The following MYT1 variants were observed in gnomAD, a reference collection of about 807,000 sequenced individuals.
MYT1 encodes myelin transcription factor I.
MYT1 carries 23 observed loss-of-function variants against 123.0 expected under a neutral mutation model. The observed-to-expected ratio is 0.19, with a 90% CI of 0.13 to 0.26. MYT1 has a LOEUF of 0.26. MYT1 is among the 10% of genes least tolerant of loss of function. MYT1 has a pLI of 1.00. For synonymous variants in MYT1, 518 were observed against 575.3 expected, an observed-to-expected ratio of 0.90 and a Z score of 1.43; for missense variants, 1,125 against 1,472.5, an observed-to-expected ratio of 0.76 and a Z score of 3.86.
rs555819264 is a variant in MYT1, at chr20:64,176,517, G to A, written c.-99+11778G>A. Among the ~76,000 whole-genome samples, 384 of 151,592 alleles carry A rather than the reference G, an allele frequency of 2.5e-3. 1 individual carries two copies. Among genetic ancestry groups the A allele is most frequent in the Non-Finnish European group, 4.7e-3 (318 of 67,952 alleles). ...CTAGCATCTTTCCTGCTCCCTGGTA[G>A]CCTCTTGGGAGCCACCTATTTCTGG... On this transcript the variant is annotated intron_variant, in intron 1 of 22. Coordinates refer to ENST00000328439, the MANE Select transcript of MYT1 (RefSeq NM_004535.3).
Position 64,228,192 on chromosome 20 carries a change from T to C in MYT1, c.2675+221T>C, listed in dbSNP as rs545224926. The stretch of plus-strand genomic sequence containing the variant: ...AGCCCTGGATGTCGCGTGGAGGGCA[T>C]GGGTGCCAGATTTTCTGGGCTTTTC... On this transcript the variant is annotated intron_variant, in intron 18 of 22. Transcript: ENST00000328439. The C allele has an allele frequency of 1.2e-5, 7 of 561,544 alleles. No individual in the cohort carries two copies. In the Admixed American group the frequency reaches 2.4e-4, roughly 19 times the overall value. The allele number at this position is 561,544 out of a possible 1,614,324, so 34.8% of individuals were successfully genotyped here. A position where few individuals can be genotyped will look rare whatever the true frequency, so the allele number is the denominator to read the frequency against.
rs1984308319 is a variant in MYT1, at chr20:64,231,096, C to T, written c.2676-1068C>T. Among the ~76,000 whole-genome samples the T allele has an allele frequency of 6.6e-6, 1 of 151,776 alleles. No homozygotes were observed. The highest frequency in any genetic ancestry group is 1.5e-5 in the Non-Finnish European group (1 of 67,910). ...GCTTCCTGCGCTGACAGTGACTTCC[C>T]TGTATGCCCATGAATCTCCTCGTAA... On this transcript the variant is annotated intron_variant, in intron 18 of 22. Coordinates refer to ENST00000328439, the MANE Select transcript of MYT1 (RefSeq NM_004535.3). The surrounding 1 kb of genome is among the most constrained non-coding windows in gnomAD (Gnocchi z 6.4).
At chr20:64,181,466 T>C (rs1183323373) in intron 1 of MYT1, among the ~76,000 whole-genome samples, 1 of 152,170 alleles carries the variant, frequency 6.6e-6, no homozygotes, top group East Asian at 1.9e-4. Context: ...CTGTTGAATT[T>C]TTCATTTTGG....
intron 13 of MYT1, among the ~76,000 whole-genome samples, chr20:64,220,358 T>C (rs927914202): frequency 1.3e-5 from 2 of 152,152 alleles, no homozygotes; most frequent in Non-Finnish European, 2.9e-5. Context: ...GTTTTGAGCC[T>C]CCCACCACCC....
At position 64,213,287 on chromosome 20, in the gene MYT1, G is replaced by T. The variant is rs1427895653; in HGVS notation, c.1518-247G>T. On this transcript the variant is annotated intron_variant, in intron 9 of 22. Transcript: ENST00000328439. This position sits in a 1 kb window ranked among gnomAD's most constrained non-coding sequence, Gnocchi z 5.6. ...TATATTTCATCTTTGTGTGTCCTTG[G>T]CATAGAATGTTCCAAAACAGAAACT... Among the ~76,000 whole-genome samples the T allele has an allele frequency of 6.6e-6, 1 of 152,182 alleles. No individual in the cohort carries two copies. The highest frequency in any genetic ancestry group is 1.5e-5 in the Non-Finnish European group (1 of 68,032).
At chr20:64,172,741 CTTTTTTTT>C (rs33943131) in intron 1 of MYT1, among the ~76,000 whole-genome samples, 1 of 95,548 alleles carries the variant, frequency 1.0e-5, no homozygotes, top group African/African-American at 4.2e-5. Flanking sequence ...GCCATACCCT[CTTTTTTTT>C]TTTTTTTTTT....
rs768391884 is a variant in MYT1, at chr20:64,219,728, G to T, written c.1987G>T (p.Val663Leu). 1 of 1,612,124 alleles carries T rather than the reference G, an allele frequency of 6.2e-7. No homozygotes were observed. Among genetic ancestry groups the T allele is most frequent in the Non-Finnish European group, 8.5e-7 (1 of 1,178,542 alleles). The change falls in exon 13 of 23, where the codon GTA becomes TTA. Residue 663 changes from valine (V) to leucine (L), a missense_variant. By Grantham distance (32) the Val-to-Leu change is conservative (BLOSUM62 1). Around this residue, in one of 4 missense-constraint regions of MYT1, gnomAD observed 429 missense variants for 604.1 expected, o/e 0.71. Transcript: ENST00000328439. ...GCCATTGCAGTCTGTGGATATCGAG[G>T]TAGACGAAAATGGAACCCTGGACTT... ...DLPSKSVDIE[V>L]DENGTLDLSM...
At chr20:64,225,881 G>T (rs1468789776) in intron 16 of MYT1, among the ~76,000 whole-genome samples, 1 of 152,184 alleles carries the variant, frequency 6.6e-6, no homozygotes, top group African/African-American at 2.4e-5. Context: ...GGTACTGCCG[G>T]CCCCTTGGGA....
At chr20:64,200,956 T>C (rs1482457297) in intron 4 of MYT1, among the ~76,000 whole-genome samples, 3 of 152,154 alleles carry the variant, frequency 2.0e-5, no homozygotes, top group Non-Finnish European at 4.4e-5. Context: ...AGGGAGACAT[T>C]GCCTGCTTGG....
intron 4 of MYT1, 137 bp downstream of exon 4, chr20:64,200,059 C>T (rs1377736088): frequency 9.9e-7 from 1 of 1,008,928 alleles, no homozygotes; most frequent in African/African-American, 1.6e-5. Flanking sequence ...AAGGAGACTG[C>T]CTTTCTCCTG....
rs919550702 is a variant in MYT1 at position 64,208,868 on chromosome 20, G to A, written c.1291+381G>A. Reference sequence around the variant, plus strand: ...CAGGGATTGTGCTATGACAGAACCCGCTGTTTCCTACAGCCATGCTGGGTC... The same window carrying A: ...CAGGGATTGTGCTATGACAGAACCCACTGTTTCCTACAGCCATGCTGGGTC... On this transcript the variant is annotated intron_variant, in intron 7 of 22. Transcript: ENST00000328439. This position sits in a 1 kb window ranked among gnomAD's most constrained non-coding sequence, Gnocchi z 5.4. Among the ~76,000 whole-genome samples, 3 of 152,186 alleles carry A rather than the reference G, an allele frequency of 2.0e-5. No individual in the cohort carries two copies. Among genetic ancestry groups the A allele is most frequent in the Admixed American group, 6.5e-5 (1 of 15,286 alleles).
chr20:64,179,619 T>C (rs1011191954), intron 1 of MYT1, among the ~76,000 whole-genome samples: 8 of 152,144 alleles, frequency 5.3e-5, no homozygotes, highest in African/African-American at 1.9e-4. Flanking sequence ...GATTGACCAG[T>C]GGAAGCCCAG....
chr20:64,184,009 G>A (rs1175371833), intron 1 of MYT1, among the ~76,000 whole-genome samples: 3 of 151,942 alleles, frequency 2.0e-5, no homozygotes, highest in East Asian at 1.9e-4. Flanking sequence ...CAGTAGAGAC[G>A]GGGCTTCACC....
At chr20:64,195,559 C>A (rs1488741929) in intron 2 of MYT1, among the ~76,000 whole-genome samples, 1 of 151,978 alleles carries the variant, frequency 6.6e-6, no homozygotes, top group African/African-American at 2.4e-5. Flanking sequence ...CCACACCCAA[C>A]TAATTTTTGT....
intron 4 of MYT1, among the ~76,000 whole-genome samples, chr20:64,201,964 C>T (rs148983428): frequency 0.1 from 12,972 of 126,698 alleles, 1,050 homozygotes; most frequent in South Asian, 0.17. Context: ...GTCGGGAACC[C>T]CCGCGTGTCG....
Position 64,239,879 on chromosome 20 carries a change from C to T in MYT1, c.3213C>T (p.Leu1071=), listed in dbSNP as rs3003149. ...SGLSQALIQS[L]ANIRLPHMEP... is the part of the protein sequence containing the mutation. ...TGAGCCAGGCCCTCATCCAAAGTCT[C>T]GCCAATATCCGCCTTCCGCACATGG... The change falls in exon 22 of 23, where the codon CTC becomes CTT. Residue 1071 remains leucine (L), a synonymous_variant. Transcript: ENST00000328439. The T allele has an allele frequency of 0.12, 194,368 of 1,613,216 alleles. 14,264 individuals carry two copies. The highest frequency in any genetic ancestry group is 0.32 in the African/African-American group (23,861 of 74,988).
chr20:64,167,316 A>C lies in MYT1; in HGVS notation c.-99+2577A>C, dbSNP rs1244814842. Among the ~76,000 whole-genome samples the C allele has an allele frequency of 1.3e-5, 2 of 152,160 alleles. No individual in the cohort carries two copies. Among genetic ancestry groups the C allele is most frequent in the African/African-American group, 4.8e-5 (2 of 41,430 alleles). On this transcript the variant is annotated intron_variant, in intron 1 of 22. Coordinates refer to ENST00000328439, the MANE Select transcript of MYT1 (RefSeq NM_004535.3). This position sits in a 1 kb window ranked among gnomAD's most constrained non-coding sequence, Gnocchi z 6.3. ...AGCTCTTCCTGGACGGACTCAGTGC[A>C]AAAGGTGCGTCTACTTTGGAAAAGA...
intron 18 of MYT1, among the ~76,000 whole-genome samples, chr20:64,230,735 T>C (rs940437412): frequency 1.3e-5 from 2 of 152,220 alleles, no homozygotes; most frequent in African/African-American, 4.8e-5. Flanking sequence ...GCAGTGTCTC[T>C]GCTCTGGACG....
chr20:64,202,960 G>A lies in MYT1; in HGVS notation c.87-2075G>A, dbSNP rs1206246463. Among the ~76,000 whole-genome samples the A allele has an allele frequency of 2.0e-5, 3 of 152,250 alleles. No individual in the cohort carries two copies. The highest frequency in any genetic ancestry group is 6.5e-5 in the Admixed American group (1 of 15,294). On this transcript the variant is annotated intron_variant, in intron 4 of 22. Transcript: ENST00000328439. The surrounding 1 kb of genome is among the most constrained non-coding windows in gnomAD (Gnocchi z 5.0). The stretch of plus-strand genomic sequence containing the variant: ...CAGAGGACATCAGGAAATAAGAGCT[G>A]AGTGTGCTTGCAGGTGAACTGCAGG...
Sources: allele counts gnomAD v4.1 joint callset (sites outside exome capture counted in the v4.1 genomes callset), GRCh38; gene constraint gnomAD v4.1.1; regional missense constraint gnomAD v4.1.1; non-coding constraint Gnocchi (gnomAD v3.1); transcripts MANE v1.5; gene names NCBI Gene and HGNC (gene_info 2026-07-23, HGNC 2026-07-21).